The following PIEZO2 variants were observed in gnomAD, a reference collection of about 807,000 sequenced individuals.
The protein encoded by PIEZO2 is piezo type mechanosensitive ion channel component 2, also known as piezo-type mechanosensitive ion channel component 2.
In PIEZO2, 172 loss-of-function variants were observed where a neutral mutation model predicts 337.3. That is an observed-to-expected ratio of 0.51 (90% CI 0.45 to 0.58). PIEZO2 has a LOEUF of 0.58. Ranked by LOEUF, PIEZO2 falls within the 20% of genes least tolerant of loss-of-function variation. The pLI, the probability that PIEZO2 is intolerant of heterozygous loss-of-function variation, is 0.00. For synonymous variants in PIEZO2, 1,251 were observed against 1,228.5 expected (o/e 1.02, Z -0.38); for missense variants, 3,028 against 3,391.3 (o/e 0.89, Z 2.66).
Position 11,126,444 on chromosome 18 carries a change from C to G in PIEZO2, c.64+22081G>C, listed in dbSNP as rs1204241460. ...TCCCCTAGGCCTGGTAAAGGGCACT[C>G]CTCACACAGTCCTCTTCCCACCTTT... On this transcript the variant is annotated intron_variant, in intron 1 of 55. Coordinates refer to ENST00000674853, the MANE Select transcript of PIEZO2 (RefSeq NM_001378183.1). The surrounding 1 kb of genome is among the most constrained non-coding windows in gnomAD (Gnocchi z 4.6). Among the ~76,000 whole-genome samples the G allele has an allele frequency of 1.3e-5, 2 of 152,162 alleles. No individual in the cohort carries two copies. The highest frequency in any genetic ancestry group is 2.9e-5 in the Non-Finnish European group (2 of 68,046).
At chr18:10,864,803 AAC>A in intron 5 of PIEZO2, among the ~76,000 whole-genome samples, 1 of 152,328 alleles carries the variant, frequency 6.6e-6, no homozygotes, top group East Asian at 1.9e-4. Context: ...GATGGAGAAG[AAC>A]ATCTGTGCAA....
chr18:10,749,579 G>A (rs893967297), intron 29 of PIEZO2, among the ~76,000 whole-genome samples: 1 of 152,188 alleles, frequency 6.6e-6, no homozygotes, highest in African/African-American at 2.4e-5. Context: ...CCTTGGTTCT[G>A]GTGCAAGAGG....
At chr18:11,135,337 G>A (rs2040450752) in intron 1 of PIEZO2, among the ~76,000 whole-genome samples, 1 of 152,176 alleles carries the variant, frequency 6.6e-6, no homozygotes, top group Admixed American at 6.5e-5. Flanking sequence ...TTGGATGACT[G>A]TACGATTCTG....
intron 27 of PIEZO2, among the ~76,000 whole-genome samples, chr18:10,754,211 G>A (rs779130749): frequency 1.2e-4 from 19 of 152,200 alleles, no homozygotes; most frequent in Non-Finnish European, 2.4e-4. Flanking sequence ...TGATAAATAC[G>A]CTTCAAAGCG....
chr18:10,841,733 T>C (rs1205511609), intron 7 of PIEZO2, among the ~76,000 whole-genome samples: 1 of 152,222 alleles, frequency 6.6e-6, no homozygotes, highest in Non-Finnish European at 1.5e-5. Context: ...CTTAAAGCCA[T>C]GTGGAGAAAT....
chr18:11,022,152 G>A (rs1380553958), intron 2 of PIEZO2, among the ~76,000 whole-genome samples: 2 of 152,268 alleles, frequency 1.3e-5, no homozygotes, highest in African/African-American at 4.8e-5. Context: ...TGCCTCAGCC[G>A]GCATGCCATG....
intron 7 of PIEZO2, among the ~76,000 whole-genome samples, chr18:10,825,132 G>C (rs1236301692): frequency 6.6e-6 from 1 of 152,162 alleles, no homozygotes; most frequent in Non-Finnish European, 1.5e-5. Context: ...CCAAAGTGCT[G>C]GGATTACAGG....
rs1251119866 is a variant in PIEZO2 at position 11,031,241 on chromosome 18, C to G, written c.160+34886G>C. 1.3e-5 allele frequency among the ~76,000 whole-genome samples: 2 copies of G among 151,636 alleles called. No individual in the cohort carries two copies. Among genetic ancestry groups the G allele is most frequent in the African/African-American group, 4.8e-5 (2 of 41,242 alleles). On this transcript the variant is annotated intron_variant, in intron 2 of 55. Transcript: ENST00000674853. The surrounding 1 kb of genome is among the most constrained non-coding windows in gnomAD (Gnocchi z 4.7). ...GTCTCAATCTCCTGACCTCGTGATC[C>G]ACCCACCTCAGCCTCCCAAAGTGCT...
At chr18:10,871,525 C>A (rs1199310542) in intron 4 of PIEZO2, 110 bp from the exon 5 acceptor site, 1 of 1,036,630 alleles carries the variant, frequency 9.6e-7, no homozygotes. Context: ...ATAAAAGATG[C>A]TCCGTTTCTC....
Position 10,781,393 on chromosome 18 carries a change from C to T in PIEZO2, c.2493-1027G>A, listed in dbSNP as rs1337909647. Among the ~76,000 whole-genome samples, 1 of 151,888 alleles carries T rather than the reference C, an allele frequency of 6.6e-6. No individual in the cohort carries two copies. Among genetic ancestry groups the T allele is most frequent in the African/African-American group, 2.4e-5 (1 of 41,340 alleles). Reference sequence around the variant, plus strand: ...CCTGAGGCAGAAGAATCACTTGAACCCAGGAGGTGGAGGTTGCAGTGAGCC... The same window carrying T: ...CCTGAGGCAGAAGAATCACTTGAACTCAGGAGGTGGAGGTTGCAGTGAGCC... On this transcript the variant is annotated intron_variant, in intron 17 of 55. Coordinates refer to ENST00000674853, the MANE Select transcript of PIEZO2 (RefSeq NM_001378183.1). The surrounding 1 kb of genome is among the most constrained non-coding windows in gnomAD (Gnocchi z 4.1).
At chr18:10,770,531 A>G (rs1358970134) in intron 20 of PIEZO2, among the ~76,000 whole-genome samples, 3 of 152,024 alleles carry the variant, frequency 2.0e-5, no homozygotes, top group Non-Finnish European at 4.4e-5. Context: ...GCTTTTGTCC[A>G]CCTTTTGATT....
rs1395918064 is a variant in PIEZO2, at chr18:11,031,051, G to A, written c.160+35076C>T. On this transcript the variant is annotated intron_variant, in intron 2 of 55. Coordinates refer to ENST00000674853, the MANE Select transcript of PIEZO2 (RefSeq NM_001378183.1). This position sits in a 1 kb window ranked among gnomAD's most constrained non-coding sequence, Gnocchi z 4.7. ...GTTGCCCAGGCTGGAGTGCAGTGGC[G>A]TGATCTTGGCTCATTGCAAACGCCG... 4.6e-5 allele frequency among the ~76,000 whole-genome samples: 7 copies of A among 152,194 alleles called. No homozygotes were observed. The highest frequency in any genetic ancestry group is 9.6e-5 in the African/African-American group (4 of 41,502).
intron 5 of PIEZO2, 93 bp from the exon 6 acceptor site, chr18:10,857,304 G>A (rs2041733678): frequency 4.6e-6 from 5 of 1,098,212 alleles, no homozygotes; most frequent in South Asian, 1.4e-5. Flanking sequence ...GTCAGTCAAC[G>A]TGGTGAATTT....
In PIEZO2 at chr18:10,993,779, G is replaced by A. The variant is rs147588996; in HGVS notation, c.161-14119C>T. 8.1e-3 allele frequency among the ~76,000 whole-genome samples: 1,226 copies of A among 152,096 alleles called. 14 individuals carry two copies. The highest frequency in any genetic ancestry group is 0.028 in the African/African-American group (1,176 of 41,502). Reference sequence around the variant, plus strand: ...CCTGACTTCGTGATCTGCCCGCTTCGGCCTCCCAAAGTGCTGGGATTACAG... The same window carrying A: ...CCTGACTTCGTGATCTGCCCGCTTCAGCCTCCCAAAGTGCTGGGATTACAG... On this transcript the variant is annotated intron_variant, in intron 2 of 55. Transcript: ENST00000674853. The surrounding 1 kb of genome is among the most constrained non-coding windows in gnomAD (Gnocchi z 5.0).
At position 10,759,931 on chromosome 18, in the gene PIEZO2, CAA is replaced by C; in HGVS notation, c.3451-24_3451-23del. 8 of 1,426,292 alleles carry C rather than the reference CAA, an allele frequency of 5.6e-6. No homozygotes were observed. Among genetic ancestry groups the C allele is most frequent in the South Asian group, 1.3e-5 (1 of 77,630 alleles). The allele number at this position is 1,426,292 out of a possible 1,614,324, so 88.4% of individuals were successfully genotyped here. A position where few individuals can be genotyped will look rare whatever the true frequency, so the allele number is the denominator to read the frequency against. On this transcript the variant is annotated intron_variant, in intron 24 of 55. Coordinates refer to ENST00000674853, the MANE Select transcript of PIEZO2 (RefSeq NM_001378183.1). The surrounding 1 kb of genome is among the most constrained non-coding windows in gnomAD (Gnocchi z 5.5). ...AGGTCTGTGTAAAGATGAAAAGAGG[CAA>C]AAAAAAAAAATCAGGCATATGGGAA...
intron 36 of PIEZO2, among the ~76,000 whole-genome samples, chr18:10,719,736 G>C (rs1049684075): frequency 6.6e-6 from 1 of 152,108 alleles, no homozygotes; most frequent in Non-Finnish European, 1.5e-5. Context: ...CTGCTGGATT[G>C]AAGGGTAGTT....
chr18:10,900,199 AC>A (rs2043009456), intron 4 of PIEZO2, among the ~76,000 whole-genome samples: 1 of 151,896 alleles, frequency 6.6e-6, no homozygotes, highest in Admixed American at 6.6e-5. Context: ...ACACACACAC[AC>A]ACACACACAC....
intron 2 of PIEZO2, among the ~76,000 whole-genome samples, chr18:11,000,902 C>A (rs542689997): frequency 6.6e-6 from 1 of 152,120 alleles, no homozygotes; most frequent in Admixed American, 6.5e-5. Flanking sequence ...CCCTCCAGAA[C>A]TGTCTAGAAT....
At position 10,821,669 on chromosome 18, in the gene PIEZO2, C is replaced by T. The variant is rs895046268; in HGVS notation, c.918-14395G>A. Among the ~76,000 whole-genome samples the T allele has an allele frequency of 2.0e-5, 3 of 152,094 alleles. No homozygotes were observed. The highest frequency in any genetic ancestry group is 7.2e-5 in the African/African-American group (3 of 41,416). On this transcript the variant is annotated intron_variant, in intron 7 of 55. Coordinates refer to ENST00000674853, the MANE Select transcript of PIEZO2 (RefSeq NM_001378183.1). The surrounding 1 kb of genome is among the most constrained non-coding windows in gnomAD (Gnocchi z 4.2). ...ACCAGGAAATATGAGTCAAGTATCA[C>T]CCCCACCCACCACCACCTTTTTCAT...
Sources: allele counts gnomAD v4.1 joint callset (sites outside exome capture counted in the v4.1 genomes callset), GRCh38; gene constraint gnomAD v4.1.1; non-coding constraint Gnocchi (gnomAD v3.1); transcripts MANE v1.5; gene names NCBI Gene and HGNC (gene_info 2026-07-23, HGNC 2026-07-21).